CAMSAP1: variants seen among roughly 807,000 people sequenced by gnomAD.
The protein encoded by CAMSAP1 is calmodulin-regulated spectrin-associated protein 1.
In CAMSAP1, 58 loss-of-function variants were observed where a neutral mutation model predicts 143.5. The ratio of observed to expected loss-of-function variants is 0.40; its 90% CI spans 0.33 to 0.50. CAMSAP1 has a LOEUF of 0.50. Ranked by LOEUF, CAMSAP1 falls within the 20% of genes least tolerant of loss-of-function variation. The pLI is 0.45. For synonymous variants in CAMSAP1, 945 were observed against 859.3 expected (o/e 1.10, Z -1.74); for missense variants, 1,969 against 2,115.7 (o/e 0.93, Z 1.36).
Position 135,842,368 on chromosome 9 carries a change from G to A in CAMSAP1, c.1045+7769C>T, listed in dbSNP as rs148508667. On this transcript the variant is annotated intron_variant, in intron 7 of 16. Transcript: ENST00000389532. The stretch of plus-strand genomic sequence containing the variant: ...GACTATGTGAAAAGCCCAAACCTAC[G>A]TTTGACTGATGTACCTAAAGTGACG... 4.3e-3 allele frequency among the ~76,000 whole-genome samples: 662 copies of A among 152,270 alleles called. 4 individuals are homozygous for A. The highest frequency in any genetic ancestry group is 0.014 in the African/African-American group (578 of 41,554).
chr9:135,850,607 A>G (rs112953595), intron 5 of CAMSAP1, 146 bp from the exon 6 acceptor site: 1 of 618,638 alleles, frequency 1.6e-6, no homozygotes, highest in African/African-American at 1.9e-5. Context: ...AGGATGTACA[A>G]CAAGTAACAC....
At position 135,850,476 on chromosome 9, in the gene CAMSAP1, G is replaced by C. The variant is rs761607966; in HGVS notation, c.809-15C>G. 1.3e-6 allele frequency: 2 copies of C among 1,540,712 alleles called. No individual in the cohort carries two copies. Among genetic ancestry groups the C allele is most frequent in the African/African-American group, 2.8e-5 (2 of 71,814 alleles). On this transcript the variant is annotated splice_polypyrimidine_tract_variant and intron_variant, in intron 5 of 16. Transcript: ENST00000389532. The stretch of plus-strand genomic sequence containing the variant: ...TAAGCATATATCTAATAGACAAAAA[G>C]AAAATCACAATTTATTGTAAAGGTA...
intron 5 of CAMSAP1, among the ~76,000 whole-genome samples, chr9:135,855,987 G>C (rs1047752549): frequency 6.6e-6 from 1 of 152,092 alleles, no homozygotes; most frequent in African/African-American, 2.4e-5. Context: ...GGGAGGTGGA[G>C]CTTGCAGTGA....
rs1472907528 is a variant in CAMSAP1 at position 135,869,165 on chromosome 9, AG to A, written c.586-2630del. 2.2e-4 allele frequency among the ~76,000 whole-genome samples: 33 copies of A among 152,242 alleles called. No individual in the cohort carries two copies. In the Middle Eastern group the frequency reaches 0.01, roughly 47 times the overall value. Reference sequence around the variant, plus strand: ...ATAAAAGAACAATACAACCATAAAAAGACAATCCAATTTTTAAATAGGCAAA... The same window carrying A: ...ATAAAAGAACAATACAACCATAAAAAACAATCCAATTTTTAAATAGGCAAA... On this transcript the variant is annotated intron_variant, in intron 3 of 16. Coordinates refer to ENST00000389532, the MANE Select transcript of CAMSAP1 (RefSeq NM_015447.4).
In CAMSAP1 at chr9:135,821,754, G is replaced by A. The variant is rs569337396; in HGVS notation, c.2907C>T (p.His969=). ...VKEEQREELL[H]EPQDVDKESL... is the part of the protein sequence containing the mutation. ...TCTCTTTGTCCACATCCTGTGGCTCGTGAAGGAGCTCCTCTCTCTGCTCCT... is the reference window on the plus strand; with the variant it reads ...TCTCTTTGTCCACATCCTGTGGCTCATGAAGGAGCTCCTCTCTCTGCTCCT... Residue 969 remains histidine, a synonymous_variant, in exon 11 of 17, where the codon CAC becomes CAT. Coordinates refer to ENST00000389532, the MANE Select transcript of CAMSAP1 (RefSeq NM_015447.4). This position sits in a 1 kb window ranked among gnomAD's most constrained non-coding sequence, Gnocchi z 4.6. The A allele has an allele frequency of 2.4e-5, 39 of 1,596,564 alleles. No homozygotes were observed. Among genetic ancestry groups the A allele is most frequent in the Non-Finnish European group, 2.6e-5 (30 of 1,173,836 alleles).
chr9:135,818,641 CT>C lies in CAMSAP1; in HGVS notation c.3960-26del. 1 of 1,606,994 alleles carries C rather than the reference CT, an allele frequency of 6.2e-7. No individual in the cohort carries two copies. Among genetic ancestry groups the C allele is most frequent in the Non-Finnish European group, 8.5e-7 (1 of 1,175,710 alleles). The stretch of plus-strand genomic sequence containing the variant: ...CCTGAGAGAAACACACGCCCAGACA[CT>C]GCTCGGTCACGGGGCTTCTTCCACG... On this transcript the variant is annotated intron_variant, in intron 12 of 16. Transcript: ENST00000389532. This position sits in a 1 kb window ranked among gnomAD's most constrained non-coding sequence, Gnocchi z 7.7.
Position 135,809,794 on chromosome 9 carries a change from A to G in CAMSAP1, c.*1515T>C, listed in dbSNP as rs1283709281. On this transcript the variant is annotated 3_prime_UTR_variant, in exon 17 of 17. Coordinates refer to ENST00000389532, the MANE Select transcript of CAMSAP1 (RefSeq NM_015447.4). ...AGAGAGCGGCTGTGTCGAACACGATATATACAAAATCGCAAGAGACTGTAC... is the reference window on the plus strand; with the variant it reads ...AGAGAGCGGCTGTGTCGAACACGATGTATACAAAATCGCAAGAGACTGTAC... 1 of 152,616 alleles carries G rather than the reference A, an allele frequency of 6.6e-6. No homozygotes were observed. The highest frequency in any genetic ancestry group is 1.5e-5 in the Non-Finnish European group (1 of 68,040). The allele number at this position is 152,616 out of a possible 1,614,324, so 9.5% of individuals were successfully genotyped here.
In CAMSAP1 at chr9:135,818,391, G is replaced by T. The variant is rs370024646; in HGVS notation, c.4168+17C>A. On this transcript the variant is annotated intron_variant, in intron 13 of 16. Transcript: ENST00000389532. The surrounding 1 kb of genome is among the most constrained non-coding windows in gnomAD (Gnocchi z 7.7). The stretch of plus-strand genomic sequence containing the variant: ...GCGGAAGGAAGCGCTGCCCGCGTGA[G>T]GGCCGGGGCTGCTTACGGGTGGAGG... 3.0e-5 allele frequency: 46 copies of T among 1,550,910 alleles called. No individual in the cohort carries two copies. In the African/African-American group the frequency reaches 5.7e-4, roughly 19 times the overall value.
chr9:135,831,669 G>GA (rs539914463), intron 7 of CAMSAP1, among the ~76,000 whole-genome samples: 24 of 151,892 alleles, frequency 1.6e-4, no homozygotes, highest in Middle Eastern at 3.4e-3. Context: ...AAAAACAATA[G>GA]AAAAAATCAA....
At chr9:135,843,873 CA>C (rs150201026) in intron 7 of CAMSAP1, among the ~76,000 whole-genome samples, 12,089 of 64,236 alleles carry the variant, frequency 0.19, 332 homozygotes, top group African/African-American at 0.24. Flanking sequence ...GACTCCGTCT[CA>C]AAAAAAAAAA....
Position 135,907,536 on chromosome 9 carries a change from G to A in CAMSAP1, c.-377C>T, listed in dbSNP as rs1371095298. On this transcript the variant is annotated 5_prime_UTR_variant, in exon 1 of 17. Coordinates refer to ENST00000389532, the MANE Select transcript of CAMSAP1 (RefSeq NM_015447.4). ...CGGCTGAGGCGGTGGCCAAGGAGCG[G>A]GAGCGCGCTCACCGCCGGGGCCTCG... Among the ~76,000 whole-genome samples the A allele has an allele frequency of 1.7e-4, 26 of 149,808 alleles. No homozygotes were observed. The South Asian group carries it at 4.6e-3, about 26-fold the overall frequency.
In CAMSAP1 at chr9:135,829,330, C is replaced by T. The variant is rs374726919; in HGVS notation, c.1046-1746G>A. On this transcript the variant is annotated intron_variant, in intron 7 of 16. Transcript: ENST00000389532. ...TAGCCTGGGCAACACAGCAAGACCTCATCTCTACTGAAAAAAAAAAAAAAA... is the reference window on the plus strand; with the variant it reads ...TAGCCTGGGCAACACAGCAAGACCTTATCTCTACTGAAAAAAAAAAAAAAA... Among the ~76,000 whole-genome samples, 22 of 149,402 alleles carry T rather than the reference C, an allele frequency of 1.5e-4. No homozygotes were observed. In the South Asian group the frequency reaches 4.0e-3, roughly 27 times the overall value.
intron 7 of CAMSAP1, among the ~76,000 whole-genome samples, chr9:135,840,317 G>A (rs200700971): frequency 4.6e-5 from 7 of 152,224 alleles, no homozygotes; most frequent in East Asian, 1.9e-4. Context: ...CCCCTCCCCC[G>A]CTATGTCTCA....
rs2275106 is a variant in CAMSAP1 at position 135,881,546 on chromosome 9, G to A, written c.585+87C>T. ...CCCAAATGAAGGGCTGGGTCTCAGC[G>A]TGACAGACAAGGTGTGCTGCTCTCA... On this transcript the variant is annotated intron_variant, in intron 3 of 16. Transcript: ENST00000389532. 2,146 of 1,431,586 alleles carry A rather than the reference G, an allele frequency of 1.5e-3. 18 individuals carry two copies. The East Asian group carries it at 0.021, about 14-fold the overall frequency. The allele number at this position is 1,431,586 out of a possible 1,614,324, so 88.7% of individuals were successfully genotyped here.
Position 135,907,316 on chromosome 9 carries a change from C to A in CAMSAP1, c.-157G>T, listed in dbSNP as rs1838816497. On this transcript the variant is annotated 5_prime_UTR_variant, in exon 1 of 17. Coordinates refer to ENST00000389532, the MANE Select transcript of CAMSAP1 (RefSeq NM_015447.4). The stretch of plus-strand genomic sequence containing the variant: ...CGGCCCCCGCCTCACCTCACAGCCG[C>A]CGCCGTCGCCGCCCCCGCGGCTGCT... 1 of 252,506 alleles carries A rather than the reference C, an allele frequency of 4.0e-6. No individual in the cohort carries two copies. Among genetic ancestry groups the A allele is most frequent in the Non-Finnish European group, 6.2e-6 (1 of 162,156 alleles). The allele number at this position is 252,506 out of a possible 1,614,324, so 15.6% of individuals were successfully genotyped here. A position where few individuals can be genotyped will look rare whatever the true frequency, so the allele number is the denominator to read the frequency against.
chr9:135,849,982 T>C (rs1836715723), intron 7 of CAMSAP1, 155 bp downstream of exon 7: 4 of 556,990 alleles, frequency 7.2e-6, no homozygotes, highest in Middle Eastern at 3.1e-4. Flanking sequence ...AGAAAGCCTT[T>C]CCCCAAACTC....
intron 7 of CAMSAP1, among the ~76,000 whole-genome samples, chr9:135,831,594 A>C (rs1276078418): frequency 6.6e-6 from 1 of 152,170 alleles, no homozygotes; most frequent in East Asian, 1.9e-4. Flanking sequence ...GAACAAACTA[A>C]GCTCAAAGTT....
At chr9:135,897,494 G>A (rs1224615498) in intron 1 of CAMSAP1, among the ~76,000 whole-genome samples, 1 of 152,144 alleles carries the variant, frequency 6.6e-6, no homozygotes, top group Non-Finnish European at 1.5e-5. Context: ...CTTCTCATGA[G>A]GATGTGAGAT....
chr9:135,887,461 G>C (rs1838160494), intron 1 of CAMSAP1, among the ~76,000 whole-genome samples: 1 of 152,122 alleles, frequency 6.6e-6, no homozygotes, highest in Non-Finnish European at 1.5e-5. Context: ...GGAAAGTGTG[G>C]CCAAAAAAGA....
Sources: gnomAD v4.1 joint callset for allele counts (sites outside exome capture counted in the v4.1 genomes callset) on GRCh38, gnomAD v4.1.1 for gene constraint, Gnocchi (gnomAD v3.1) non-coding constraint, MANE v1.5 for transcripts, NCBI Gene and HGNC (gene_info 2026-07-23, HGNC 2026-07-21) for gene names.